The following HIVEP2 variants were observed in gnomAD, a reference collection of about 807,000 sequenced individuals.
The protein encoded by HIVEP2 is HIVEP zinc finger 2, also known as transcription factor HIVEP2.
Under a neutral mutation model 180.7 loss-of-function variants are expected in HIVEP2, and 14 were observed. The ratio of observed to expected loss-of-function variants is 0.08; its 90% CI spans 0.05 to 0.12. The LOEUF (loss-of-function observed/expected upper bound fraction) is 0.12, where lower values mean the gene tolerates loss of function less well. Among genes scored for constraint, HIVEP2 ranks in the 10% least tolerant of loss-of-function variants. The pLI is 1.00. For synonymous variants in HIVEP2, 1,184 were observed against 1,136.4 expected, an observed-to-expected ratio of 1.04 and a Z score of -0.84; for missense variants, 2,579 against 3,008.5, an observed-to-expected ratio of 0.86 and a Z score of 3.34.
chr6:142,852,985 T>C (rs1417544493), intron 1 of HIVEP2, among the ~76,000 whole-genome samples: 4 of 152,226 alleles, frequency 2.6e-5, no homozygotes, highest in Non-Finnish European at 5.9e-5. Context: ...AAACTTCTCT[T>C]AGTTTAATTG....
rs1178095960 is a variant in HIVEP2 at position 142,753,521 on chromosome 6, G to A, written c.6927C>T (p.Ser2309=). ...PSSPRLLMKQ[S]TSEDSLNATE... ...TTGCGTTTAGGCTGTCTTCCGAAGT[G>A]CTCTGTTTCATCAACAGCCGAGGAG... The change falls in exon 10 of 10, where the codon AGC becomes AGT. Residue 2309 remains serine, a synonymous_variant. Transcript: ENST00000367603. 1.9e-6 allele frequency: 3 copies of A among 1,614,186 alleles called. No individual in the cohort carries two copies. The highest frequency in any genetic ancestry group is 2.5e-6 in the Non-Finnish European group (3 of 1,180,036).
At chr6:142,806,268 T>C (rs1329674158) in intron 2 of HIVEP2, among the ~76,000 whole-genome samples, 2 of 152,170 alleles carry the variant, frequency 1.3e-5, no homozygotes, top group East Asian at 1.9e-4. Flanking sequence ...CCATAAATGA[T>C]AGAGTGGAAA....
intron 2 of HIVEP2, among the ~76,000 whole-genome samples, chr6:142,818,955 T>C (rs1363381130): frequency 7.4e-6 from 1 of 134,788 alleles, no homozygotes; most frequent in Middle Eastern, 4.0e-3. Flanking sequence ...CAGGGAAATA[T>C]AGCAAGAACC....
intron 1 of HIVEP2, among the ~76,000 whole-genome samples, chr6:142,938,321 G>A (rs761742794): frequency 7.9e-5 from 12 of 152,098 alleles, no homozygotes; most frequent in Non-Finnish European, 8.8e-5. Flanking sequence ...CAATTTAATT[G>A]CATCCAATTA....
chr6:142,761,681 C>T, intron 7 of HIVEP2, 116 bp from the exon 8 acceptor site: 3 of 715,370 alleles, frequency 4.2e-6, no homozygotes. Flanking sequence ...CATCATGTAA[C>T]ACAGATTTGT....
intron 3 of HIVEP2, among the ~76,000 whole-genome samples, chr6:142,778,836 C>T (rs1334333881): frequency 6.6e-6 from 1 of 152,064 alleles, no homozygotes; most frequent in East Asian, 1.9e-4. Context: ...AATACATCTT[C>T]AATAATATCT....
intron 1 of HIVEP2, among the ~76,000 whole-genome samples, chr6:142,908,407 GT>G (rs1165665476): frequency 2.6e-5 from 4 of 152,112 alleles, no homozygotes; most frequent in Admixed American, 2.6e-4. Flanking sequence ...GTTTATGCCT[GT>G]TTTTTGCATA....
In HIVEP2 at chr6:142,882,314, A is replaced by G. The variant is rs184356817; in HGVS notation, c.-640-45267T>C. Among the ~76,000 whole-genome samples, 62 of 152,298 alleles carry G rather than the reference A, an allele frequency of 4.1e-4. 1 individual carries two copies. Among genetic ancestry groups the G allele is most frequent in the Admixed American group, 3.7e-3 (57 of 15,294 alleles). Reference sequence around the variant, plus strand: ...TACCGATAACTCACTGATTACATAGAAAAGAAGTAGAAGAGGCAGAGGGCA... The same window carrying G: ...TACCGATAACTCACTGATTACATAGGAAAGAAGTAGAAGAGGCAGAGGGCA... On this transcript the variant is annotated intron_variant, in intron 1 of 9. Coordinates refer to ENST00000367603, the MANE Select transcript of HIVEP2 (RefSeq NM_006734.4).
At chr6:142,801,124 C>G (rs1270141314) in intron 2 of HIVEP2, among the ~76,000 whole-genome samples, 2 of 144,204 alleles carry the variant, frequency 1.4e-5, no homozygotes, top group African/African-American at 2.6e-5. Flanking sequence ...CTGATGTTCT[C>G]TGCAGGTCAG....
Position 142,771,720 on chromosome 6 carries a change from G to C in HIVEP2, c.3019C>G (p.Leu1007Val), listed in dbSNP as rs767839193. The change falls in exon 5 of 10, where the codon CTG becomes GTG. Residue 1007 changes from leucine to valine, a missense_variant. Physicochemically the swap from Leu to Val is conservative, Grantham distance 32. Transcript: ENST00000367603. The surrounding 1 kb of genome is among the most constrained non-coding windows in gnomAD (Gnocchi z 5.4). ...GAGTATGAACCAGCAGGGACAGTCA[G>C]AAACTCTGAATGCTTCCCAAACTCA... ...QDEFGKHSEF[L>V]TVPAGSYSLS... 2 of 1,614,230 alleles carry C rather than the reference G, an allele frequency of 1.2e-6. No individual in the cohort carries two copies. The highest frequency in any genetic ancestry group is 1.7e-6 in the Non-Finnish European group (2 of 1,180,050).
intron 2 of HIVEP2, among the ~76,000 whole-genome samples, chr6:142,813,802 A>G (rs1776760663): frequency 6.6e-6 from 1 of 151,776 alleles, no homozygotes; most frequent in Non-Finnish European, 1.5e-5. Flanking sequence ...CTGGACTCAA[A>G]GGATCCTTCT....
rs111953128 is a variant in HIVEP2, at chr6:142,801,125, T to G, written c.-527-17510A>C. Among the ~76,000 whole-genome samples, 788 of 146,652 alleles carry G rather than the reference T, an allele frequency of 5.4e-3. 4 individuals carry two copies. Among genetic ancestry groups the G allele is most frequent in the African/African-American group, 0.019 (742 of 39,294 alleles). On this transcript the variant is annotated intron_variant, in intron 2 of 9. Coordinates refer to ENST00000367603, the MANE Select transcript of HIVEP2 (RefSeq NM_006734.4). ...CTGTCTATTCAGTTCTGATGTTCTC[T>G]GCAGGTCAGAAGAGAGGACCTTTCC...
At chr6:142,884,553 G>A (rs774930490) in intron 1 of HIVEP2, among the ~76,000 whole-genome samples, 3 of 152,126 alleles carry the variant, frequency 2.0e-5, no homozygotes, top group Middle Eastern at 3.4e-3. Flanking sequence ...GAATGATGTC[G>A]TTTCATTCAC....
chr6:142,870,091 C>T (rs1776250458), intron 1 of HIVEP2, among the ~76,000 whole-genome samples: 1 of 151,978 alleles, frequency 6.6e-6, no homozygotes, highest in Non-Finnish European at 1.5e-5. Flanking sequence ...CTACATATCA[C>T]AGACAGAAGG....
Position 142,760,682 on chromosome 6 carries a change from C to G in HIVEP2, c.5621-15G>C, listed in dbSNP as rs1188381301. ...TTCCAAATTTTCTGAAACAATTAAA[C>G]AAAGATAATGGAGATCAAGATCCAA... is the stretch of plus-strand genomic sequence containing the variant. On this transcript the variant is annotated splice_polypyrimidine_tract_variant and intron_variant, in intron 8 of 9. Transcript: ENST00000367603. 1 of 1,563,182 alleles carries G rather than the reference C, an allele frequency of 6.4e-7. No individual in the cohort carries two copies. Among genetic ancestry groups the G allele is most frequent in the Admixed American group, 1.8e-5 (1 of 54,802 alleles).
Position 142,772,760 on chromosome 6 carries a change from T to C in HIVEP2, c.1979A>G (p.Asp660Gly). The C allele has an allele frequency of 6.2e-7, 1 of 1,614,234 alleles. No homozygotes were observed. The highest frequency in any genetic ancestry group is 8.5e-7 in the Non-Finnish European group (1 of 1,180,040). Residue 660 changes from aspartate (D) to glycine (G), a missense_variant, in exon 5 of 10, where the codon GAC (aspartate) becomes GGC (glycine). By Grantham distance (94) the Asp-to-Gly change is moderately conservative. This residue lies in a region of HIVEP2 where 524 missense variants were observed against 563.6 expected (regional missense o/e 0.93). Coordinates refer to ENST00000367603, the MANE Select transcript of HIVEP2 (RefSeq NM_006734.4). This position sits in a 1 kb window ranked among gnomAD's most constrained non-coding sequence, Gnocchi z 4.9. ...CTTTAAAGAACTCAAGCAGGAAATG[T>C]CCCTGTAGTTTTGCTTTGGTGTTTC... ...DSETPKQNYR[D>G]ISCLSSLKHG...
chr6:142,798,205 C>T (rs972442566), intron 2 of HIVEP2, among the ~76,000 whole-genome samples: 1 of 151,700 alleles, frequency 6.6e-6, no homozygotes, highest in Non-Finnish European at 1.5e-5. Flanking sequence ...ACTAGCTCCT[C>T]TTGCAGTGAG....
At chr6:142,907,790 G>T (rs376079182) in intron 1 of HIVEP2, among the ~76,000 whole-genome samples, 1 of 152,292 alleles carries the variant, frequency 6.6e-6, no homozygotes, top group African/African-American at 2.4e-5. Flanking sequence ...CTCCCCTAGA[G>T]CATCGGTATG....
At chr6:142,898,635 C>A (rs1444301326) in intron 1 of HIVEP2, among the ~76,000 whole-genome samples, 2 of 151,988 alleles carry the variant, frequency 1.3e-5, no homozygotes, top group African/African-American at 2.4e-5. Context: ...CCAGCCTGGG[C>A]GACAGAGTGA....
Sources: allele counts gnomAD v4.1 joint callset (sites outside exome capture counted in the v4.1 genomes callset), GRCh38; gene constraint gnomAD v4.1.1; regional missense constraint gnomAD v4.1.1; non-coding constraint Gnocchi (gnomAD v3.1); transcripts MANE v1.5; gene names NCBI Gene and HGNC (gene_info 2026-07-23, HGNC 2026-07-21).